AGTPBP1: variants seen among roughly 807,000 people sequenced by gnomAD.
AGTPBP1 encodes cytosolic carboxypeptidase 1.
Under a neutral mutation model 143.9 loss-of-function variants are expected in AGTPBP1, and 70 were observed. That is an observed-to-expected ratio of 0.49 (90% CI 0.40 to 0.59). The LOEUF is 0.59. AGTPBP1 is among the 20% of genes least tolerant of loss of function. The pLI, the probability that AGTPBP1 is intolerant of heterozygous loss-of-function variation, is 0.00. For missense variants in AGTPBP1, 1,229 were observed against 1,464.5 expected, an observed-to-expected ratio of 0.84 and a Z score of 2.62; for synonymous variants, 463 against 500.2, an observed-to-expected ratio of 0.93 and a Z score of 0.99.
chr9:85,739,653 A>G (rs1824094904), intron 1 of AGTPBP1, among the ~76,000 whole-genome samples: 1 of 150,956 alleles, frequency 6.6e-6, no homozygotes, highest in Non-Finnish European at 1.5e-5. Flanking sequence ...GGCTGTAGTG[A>G]GCCAAGATCG....
intron 25 of AGTPBP1, among the ~76,000 whole-genome samples, chr9:85,548,993 T>A (rs1465098312): frequency 6.6e-6 from 1 of 152,198 alleles, no homozygotes; most frequent in Non-Finnish European, 1.5e-5. Context: ...CCCTTTAAAA[T>A]GACTTACCAT....
chr9:85,631,468 G>A (rs1195492152), intron 14 of AGTPBP1, among the ~76,000 whole-genome samples: 1 of 152,222 alleles, frequency 6.6e-6, no homozygotes, highest in African/African-American at 2.4e-5. Flanking sequence ...TCTGGATGGT[G>A]CCATCTGTAA....
intron 1 of AGTPBP1, among the ~76,000 whole-genome samples, chr9:85,726,906 A>G (rs908765081): frequency 1.3e-5 from 2 of 152,218 alleles, no homozygotes; most frequent in Non-Finnish European, 2.9e-5. Flanking sequence ...TATAAGTATA[A>G]TAAAAAAGTG....
the AGTPBP1 span, among the ~76,000 whole-genome samples, chr9:85,794,012 A>C: frequency 1.6e-4 from 24 of 152,174 alleles, no homozygotes; most frequent in Non-Finnish European, 2.8e-4. Flanking sequence ...TGAAGACTAA[A>C]AGCCCTATCC....
chr9:85,549,004 G>A (rs1416733344), intron 25 of AGTPBP1, among the ~76,000 whole-genome samples: 2 of 151,970 alleles, frequency 1.3e-5, no homozygotes, highest in Non-Finnish European at 2.9e-5. Context: ...GACTTACCAT[G>A]TTTCTTTTGA....
At chr9:85,640,875 C>T (rs1191662325) in intron 13 of AGTPBP1, among the ~76,000 whole-genome samples, 1 of 152,220 alleles carries the variant, frequency 6.6e-6, no homozygotes, top group African/African-American at 2.4e-5. Context: ...GTAGTGCCCT[C>T]TTAACTAAGG....
intron 17 of AGTPBP1, among the ~76,000 whole-genome samples, chr9:85,603,293 T>A (rs1379992978): frequency 6.6e-6 from 1 of 152,088 alleles, no homozygotes; most frequent in East Asian, 1.9e-4. Flanking sequence ...AGTAAAAAGG[T>A]CTTTGTCTTG....
intron 18 of AGTPBP1, among the ~76,000 whole-genome samples, chr9:85,595,413 C>T (rs1268401909): frequency 6.6e-6 from 1 of 152,172 alleles, no homozygotes; most frequent in Non-Finnish European, 1.5e-5. Flanking sequence ...TGCAGACACA[C>T]AGTAAAAATG....
At chr9:85,572,920 C>T (rs1215975836) in intron 25 of AGTPBP1, among the ~76,000 whole-genome samples, 2 of 152,034 alleles carry the variant, frequency 1.3e-5, no homozygotes, top group Non-Finnish European at 2.9e-5. Context: ...TACAACAGGG[C>T]AGAGCAATAA....
the AGTPBP1 span, among the ~76,000 whole-genome samples, chr9:85,754,851 G>A: frequency 4.0e-5 from 6 of 151,146 alleles, no homozygotes; most frequent in African/African-American, 1.5e-4. Flanking sequence ...TTCCTTTTAA[G>A]TAGAGCTTAA....
At chr9:85,631,091 C>A (rs1276824612) in intron 14 of AGTPBP1, among the ~76,000 whole-genome samples, 1 of 152,182 alleles carries the variant, frequency 6.6e-6, no homozygotes, top group African/African-American at 2.4e-5. Context: ...TTCCCCTCAC[C>A]TGCTGGTCTT....
At chr9:85,673,015 G>A (rs527300269) in intron 6 of AGTPBP1, among the ~76,000 whole-genome samples, 1 of 152,100 alleles carries the variant, frequency 6.6e-6, no homozygotes, top group South Asian at 2.1e-4. Context: ...GATTACACGT[G>A]TGAGTCACTG....
At position 85,593,550 on chromosome 9, in the gene AGTPBP1, T is replaced by A. The variant is rs150926806; in HGVS notation, c.2424-846A>T. 5.2e-3 allele frequency among the ~76,000 whole-genome samples: 795 copies of A among 152,328 alleles called. 32 individuals carry two copies. In the East Asian group the frequency reaches 0.097, roughly 19 times the overall value. On this transcript the variant is annotated intron_variant, in intron 18 of 25. Transcript: ENST00000357081. ...CAGTAAGAAATTTTCTTAATCTTTC[T>A]GTGTTGTGATAATCGCATTGTAGTT...
chr9:85,739,352 G>C (rs886502297), intron 1 of AGTPBP1, among the ~76,000 whole-genome samples: 3 of 152,216 alleles, frequency 2.0e-5, no homozygotes, highest in Admixed American at 6.5e-5. Flanking sequence ...CTTTCAGATA[G>C]TGGGGGACTT....
intron 9 of AGTPBP1, among the ~76,000 whole-genome samples, chr9:85,660,573 T>C (rs1437667086): frequency 6.6e-6 from 1 of 152,108 alleles, no homozygotes; most frequent in Non-Finnish European, 1.5e-5. Flanking sequence ...AGACAGTAGT[T>C]GTTAAAGATA....
intron 1 of AGTPBP1, among the ~76,000 whole-genome samples, chr9:85,735,064 G>C (rs985234408): frequency 6.6e-6 from 1 of 152,000 alleles, no homozygotes; most frequent in African/African-American, 2.4e-5. Flanking sequence ...TAAATAAAAA[G>C]CAAGGTCTTG....
the AGTPBP1 span, among the ~76,000 whole-genome samples, chr9:85,779,202 TATAGATATAG>T: frequency 1.0e-5 from 1 of 98,330 alleles, no homozygotes; most frequent in Non-Finnish European, 2.2e-5. Context: ...TAGATATAGA[TATAGATATAG>T]ATATAGATAT....
At chr9:85,642,654 G>C (rs1832560562) in intron 13 of AGTPBP1, among the ~76,000 whole-genome samples, 173 bp downstream of exon 13, 1 of 151,938 alleles carries the variant, frequency 6.6e-6, no homozygotes, top group Admixed American at 6.6e-5. Context: ...TTTTACAATT[G>C]CTTAACTGCA....
At chr9:85,669,720 A>C in intron 7 of AGTPBP1, 142 bp from the exon 8 acceptor site, 1 of 473,302 alleles carries the variant, frequency 2.1e-6, no homozygotes, top group Non-Finnish European at 3.8e-6. Context: ...ATCTAAGCTA[A>C]CCACATGAAG....
Sources: gnomAD v4.1 joint callset for allele counts (sites outside exome capture counted in the v4.1 genomes callset) on GRCh38, gnomAD v4.1.1 for gene constraint, MANE v1.5 for transcripts, NCBI Gene and HGNC (gene_info 2026-07-23, HGNC 2026-07-21) for gene names.